BZW2: variants seen among roughly 807,000 people sequenced by gnomAD.
BZW2 encodes basic leucine zipper and W2 domains 2, also known as eIF5-mimic protein 1.
In BZW2, 23 loss-of-function variants were observed where a neutral mutation model predicts 53.2. The ratio of observed to expected loss-of-function variants is 0.43; its 90% CI spans 0.31 to 0.61. The LOEUF is 0.61. Ranked by LOEUF, BZW2 falls within the 20% of genes least tolerant of loss-of-function variation. BZW2 has a pLI of 0.09. For synonymous variants in BZW2, 227 were observed against 186.4 expected (o/e 1.22, Z -1.77); for missense variants, 409 against 503.1 (o/e 0.81, Z 1.79).
intron 1 of BZW2, among the ~76,000 whole-genome samples, chr7:16,656,555 G>GCGCGCA (rs1321463865): frequency 6.4e-5 from 9 of 141,300 alleles, no homozygotes; most frequent in African/African-American, 1.8e-4. Context: ...GCGCGCGCGC[G>GCGCGCA]CACACACACA....
intron 7 of BZW2, among the ~76,000 whole-genome samples, chr7:16,693,932 G>T (rs565650507): frequency 6.6e-6 from 1 of 152,268 alleles, no homozygotes; most frequent in Non-Finnish European, 1.5e-5. Flanking sequence ...ACCCATTGCA[G>T]ATCTACTGAG....
intron 2 of BZW2, 58 bp downstream of exon 2, chr7:16,665,559 G>A: frequency 1.3e-6 from 2 of 1,589,398 alleles, no homozygotes; most frequent in Non-Finnish European, 1.7e-6. Context: ...TATAAGATTG[G>A]AGAAGAATCT....
chr7:16,696,703 TATTA>T (rs1783502638), intron 8 of BZW2, among the ~76,000 whole-genome samples: 1 of 149,060 alleles, frequency 6.7e-6, no homozygotes. Context: ...GAGCTAAGCC[TATTA>T]ATTTTGGGAC....
At chr7:16,666,952 T>C (rs1745006195) in intron 2 of BZW2, among the ~76,000 whole-genome samples, 1 of 152,190 alleles carries the variant, frequency 6.6e-6, no homozygotes, top group African/African-American at 2.4e-5. Context: ...TTAGTCAGTT[T>C]TGCATAATTA....
chr7:16,701,311 C>G (rs1405306772), intron 10 of BZW2, among the ~76,000 whole-genome samples: 1 of 152,096 alleles, frequency 6.6e-6, no homozygotes, highest in African/African-American at 2.4e-5. Flanking sequence ...TCAGCATGGT[C>G]TAAAATGTGT....
chr7:16,660,365 A>G (rs1482295066), intron 1 of BZW2, among the ~76,000 whole-genome samples: 2 of 149,008 alleles, frequency 1.3e-5, no homozygotes, highest in Admixed American at 6.8e-5. Context: ...ACACCCCTGC[A>G]TTTTAGCCTG....
intron 1 of BZW2, among the ~76,000 whole-genome samples, chr7:16,660,617 A>G (rs1782229354): frequency 6.6e-6 from 1 of 152,138 alleles, no homozygotes; most frequent in Non-Finnish European, 1.5e-5. Flanking sequence ...TATCAAATTT[A>G]AGTGTTTTGG....
At chr7:16,698,460 A>C (rs12531299) in intron 10 of BZW2, among the ~76,000 whole-genome samples, 6,688 of 152,306 alleles carry the variant, frequency 0.044, 211 homozygotes, top group Non-Finnish European at 0.062. Flanking sequence ...GTGGAAAAAA[A>C]ATGTAATTAT....
At chr7:16,681,777 A>G (rs1254856399) in intron 4 of BZW2, among the ~76,000 whole-genome samples, 1 of 152,218 alleles carries the variant, frequency 6.6e-6, no homozygotes, top group Non-Finnish European at 1.5e-5. Context: ...GGTTGCAGTG[A>G]GCTGAGATCG....
At chr7:16,660,103 A>G (rs1266866013) in intron 1 of BZW2, among the ~76,000 whole-genome samples, 1 of 151,190 alleles carries the variant, frequency 6.6e-6, no homozygotes, top group Non-Finnish European at 1.5e-5. Context: ...TGTCCTTCAG[A>G]TAGTTTGCTG....
chr7:16,655,858 A>G (rs1782107886), intron 1 of BZW2, among the ~76,000 whole-genome samples: 1 of 152,122 alleles, frequency 6.6e-6, no homozygotes, highest in Non-Finnish European at 1.5e-5. Flanking sequence ...CCATTGCTCC[A>G]GGGTTCTATG....
intron 1 of BZW2, among the ~76,000 whole-genome samples, chr7:16,650,730 T>C (rs1781964753): frequency 6.6e-6 from 1 of 152,228 alleles, no homozygotes; most frequent in Non-Finnish European, 1.5e-5. Context: ...ATACTTTTCA[T>C]TCTTAACTCA....
intron 2 of BZW2, among the ~76,000 whole-genome samples, chr7:16,673,338 A>G (rs561921066): frequency 7.9e-5 from 12 of 152,326 alleles, no homozygotes; most frequent in African/African-American, 2.6e-4. Context: ...CCATTTTTAT[A>G]ATGATACCAA....
chr7:16,689,240 T>A, intron 6 of BZW2, among the ~76,000 whole-genome samples: 1 of 151,956 alleles, frequency 6.6e-6, no homozygotes, highest in East Asian at 1.9e-4. Flanking sequence ...AAAATAAAAA[T>A]AAAAATAAAT....
rs1782377105 is a variant in BZW2 at position 16,664,956 on chromosome 7, A to G, written c.-7-481A>G. ...TGTTTTTCCTATGTCCTTTGCCAAC[A>G]CTGAGTATTAGTAAACTTTAAAATT... On this transcript the variant is annotated intron_variant, in intron 1 of 11. Transcript: ENST00000258761. Among the ~76,000 whole-genome samples, 3 of 152,208 alleles carry G rather than the reference A, an allele frequency of 2.0e-5. No homozygotes were observed. In the South Asian group the frequency reaches 6.2e-4, roughly 31 times the overall value.
chr7:16,652,225 C>T (rs1449824786), intron 1 of BZW2, among the ~76,000 whole-genome samples: 3 of 152,060 alleles, frequency 2.0e-5, no homozygotes, highest in East Asian at 1.9e-4. Context: ...TATTCCATTC[C>T]GCGTGGATGC....
chr7:16,683,145 G>A (rs917086842), intron 5 of BZW2, among the ~76,000 whole-genome samples: 2 of 152,098 alleles, frequency 1.3e-5, no homozygotes, highest in African/African-American at 4.8e-5. Flanking sequence ...TCAGTAAGCC[G>A]AGATCACTCC....
chr7:16,697,109 C>A, intron 9 of BZW2, 48 bp downstream of exon 9: 1 of 1,580,992 alleles, frequency 6.3e-7, no homozygotes. Context: ...CAAACTGCAG[C>A]TTTTTTTGTT....
At chr7:16,651,719 G>T (rs927788738) in intron 1 of BZW2, among the ~76,000 whole-genome samples, 8 of 152,064 alleles carry the variant, frequency 5.3e-5, no homozygotes, top group Admixed American at 3.9e-4. Context: ...TCTAATATTC[G>T]TATGTCCCTA....
Sources: gnomAD v4.1 joint callset for allele counts (sites outside exome capture counted in the v4.1 genomes callset) on GRCh38, gnomAD v4.1.1 for gene constraint, MANE v1.5 for transcripts, NCBI Gene and HGNC (gene_info 2026-07-23, HGNC 2026-07-21) for gene names.